The following FMN2 variants were observed in gnomAD, a reference collection of about 807,000 sequenced individuals.
The protein encoded by FMN2 is formin-2.
In FMN2, 51 loss-of-function variants were observed where a neutral mutation model predicts 142.3. The ratio of observed to expected loss-of-function variants is 0.36; its 90% CI spans 0.29 to 0.45. The LOEUF (loss-of-function observed/expected upper bound fraction) is 0.45. Ranked by LOEUF, FMN2 falls within the 20% of genes least tolerant of loss-of-function variation. The probability of loss-of-function intolerance (pLI) is 1.00; values close to 1 mark genes in which losing one functional copy is unlikely to be tolerated. For synonymous variants in FMN2, 882 were observed against 869.8 expected (o/e 1.01, Z -0.25); for missense variants, 1,936 against 2,122.8 (o/e 0.91, Z 1.73).
At chr1:240,470,207 G>GGA (rs1553268780) in intron 16 of FMN2, among the ~76,000 whole-genome samples, 5 of 131,074 alleles carry the variant, frequency 3.8e-5, no homozygotes, top group East Asian at 2.1e-4. Flanking sequence ...ACTAAGTGCT[G>GGA]AAAAAAAAAA....
rs1169946314 is a variant in FMN2, at chr1:240,384,405, G to A, written c.4859-8106G>A. On this transcript the variant is annotated intron_variant, in intron 14 of 17. Transcript: ENST00000319653. ...TTGTATGATCACACCATGAGAGGCT[G>A]GTGCTGCCTCTGCACAGCATTTTTG... Among the ~76,000 whole-genome samples the A allele has an allele frequency of 2.0e-5, 3 of 152,130 alleles. No individual in the cohort carries two copies. The East Asian group carries it at 5.8e-4, about 29-fold the overall frequency.
intron 1 of FMN2, among the ~76,000 whole-genome samples, chr1:240,096,922 G>A (rs1661218366): frequency 6.6e-6 from 1 of 152,128 alleles, no homozygotes; most frequent in South Asian, 2.1e-4. Context: ...TTGCATTTAA[G>A]TATTTCATAA....
At chr1:240,195,728 C>T (rs1469197444) in intron 4 of FMN2, among the ~76,000 whole-genome samples, 1 of 152,170 alleles carries the variant, frequency 6.6e-6, no homozygotes, top group Non-Finnish European at 1.5e-5. Flanking sequence ...TTTAAATTCT[C>T]ACAATAAGGC....
At chr1:240,366,967 G>A (rs933677292) in intron 14 of FMN2, among the ~76,000 whole-genome samples, 2 of 152,190 alleles carry the variant, frequency 1.3e-5, no homozygotes, top group African/African-American at 2.4e-5. Flanking sequence ...TTGCTGAGGT[G>A]TGGGACAAGT....
chr1:240,384,955 T>C (rs1393698332), intron 14 of FMN2, among the ~76,000 whole-genome samples: 12 of 152,202 alleles, frequency 7.9e-5, no homozygotes, highest in Admixed American at 7.9e-4. Flanking sequence ...TATTTGTCTC[T>C]CTCTCCATCT....
intron 3 of FMN2, among the ~76,000 whole-genome samples, chr1:240,182,290 C>T (rs562539628): frequency 4.6e-5 from 7 of 151,578 alleles, no homozygotes; most frequent in African/African-American, 1.2e-4. Flanking sequence ...TGATCATTGT[C>T]GTTTCCTCTG....
chr1:240,143,202 A>G lies in FMN2; in HGVS notation c.1782+19857A>G, dbSNP rs922918912. 9 of 1,591,412 alleles carry G rather than the reference A, an allele frequency of 5.7e-6. No homozygotes were observed. In the African/African-American group the frequency reaches 1.1e-4, roughly 19 times the overall value. On this transcript the variant is annotated intron_variant, in intron 2 of 17. Transcript: ENST00000319653. ...GGCATTATTGGTACCACTGCCCACC[A>G]TGCCCATGGCAAAAATGGAGTTATA...
chr1:240,290,016 C>T (rs925875581), intron 7 of FMN2, among the ~76,000 whole-genome samples: 7 of 152,176 alleles, frequency 4.6e-5, no homozygotes, highest in Non-Finnish European at 1.0e-4. Context: ...CGGAGGAGAA[C>T]ACGTTAATAG....
At chr1:240,318,414 C>CT (rs961204738) in intron 8 of FMN2, among the ~76,000 whole-genome samples, 117 of 149,652 alleles carry the variant, frequency 7.8e-4, no homozygotes, top group African/African-American at 2.0e-3. Flanking sequence ...TTTTCTTTTT[C>CT]TTTTTTTTTT....
chr1:240,199,791 C>T (rs544332660), intron 4 of FMN2, among the ~76,000 whole-genome samples: 157 of 152,184 alleles, frequency 1.0e-3, no homozygotes, highest in Middle Eastern at 3.4e-3. Flanking sequence ...ATTGTATTGA[C>T]GAACTAAAAA....
chr1:240,372,401 A>G (rs1248754691), intron 14 of FMN2, among the ~76,000 whole-genome samples: 1 of 152,164 alleles, frequency 6.6e-6, no homozygotes, highest in South Asian at 2.1e-4. Context: ...ATGAGTAATT[A>G]GTGATTTCTG....
At chr1:240,124,496 A>G (rs1478168768) in intron 2 of FMN2, among the ~76,000 whole-genome samples, 1 of 152,128 alleles carries the variant, frequency 6.6e-6, no homozygotes, top group Non-Finnish European at 1.5e-5. Context: ...TCTCATTGTC[A>G]AGGCAGAGTA....
intron 4 of FMN2, among the ~76,000 whole-genome samples, chr1:240,198,474 T>C (rs1417087195): frequency 6.6e-6 from 1 of 152,210 alleles, no homozygotes; most frequent in African/African-American, 2.4e-5. Flanking sequence ...ATTTGCCATG[T>C]CCATTCCAGT....
Position 240,208,098 on chromosome 1 carries a change from A to G in FMN2, c.3286A>G (p.Ile1096Val). The G allele has an allele frequency of 1.1e-6, 1 of 919,052 alleles. No homozygotes were observed. The highest frequency in any genetic ancestry group is 1.6e-6 in the Non-Finnish European group (1 of 615,426). 56.9% of individuals were successfully genotyped at this position (919,052 alleles called of 1,614,324 possible). ...PPPPPLPGAG[I>V]PPPPPLPGVG... Reference sequence around the variant, plus strand: ...ACCTCCCCCTCTACCCGGAGCGGGCATACCCCCTCCGCCCCCTCTACCCGG... The same window carrying G: ...ACCTCCCCCTCTACCCGGAGCGGGCGTACCCCCTCCGCCCCCTCTACCCGG... Residue 1096 changes from isoleucine (I) to valine (V), a missense_variant, in exon 5 of 18, where the codon ATA becomes GTA. Ile to Val is a conservative substitution (Grantham distance 29). Coordinates refer to ENST00000319653, the MANE Select transcript of FMN2 (RefSeq NM_020066.5).
intron 6 of FMN2, among the ~76,000 whole-genome samples, chr1:240,234,502 C>T: frequency 6.6e-6 from 1 of 152,126 alleles, no homozygotes; most frequent in East Asian, 1.9e-4. Flanking sequence ...CTCTTTAGCC[C>T]AAATCCAGTC....
intron 15 of FMN2, among the ~76,000 whole-genome samples, chr1:240,409,845 G>A (rs997133117): frequency 6.6e-6 from 1 of 152,106 alleles, no homozygotes; most frequent in Non-Finnish European, 1.5e-5. Flanking sequence ...TCAGACAATG[G>A]CATTTTAAAA....
At chr1:240,452,716 A>G (rs1162704277) in intron 16 of FMN2, among the ~76,000 whole-genome samples, 1 of 152,214 alleles carries the variant, frequency 6.6e-6, no homozygotes, top group Non-Finnish European at 1.5e-5. Flanking sequence ...AAAGTATGTC[A>G]TCAGTTAAGA....
chr1:240,305,223 T>C (rs956837605), intron 8 of FMN2, among the ~76,000 whole-genome samples: 6 of 152,214 alleles, frequency 3.9e-5, no homozygotes, highest in Non-Finnish European at 7.3e-5. Flanking sequence ...TTTTGGCACA[T>C]TGGATAATTT....
intron 15 of FMN2, among the ~76,000 whole-genome samples, chr1:240,395,303 A>G (rs756844694): frequency 2.8e-4 from 43 of 152,214 alleles, no homozygotes; most frequent in Admixed American, 4.6e-4. Flanking sequence ...TCTGCTGGAG[A>G]TGTACAAAGA....
Sources: allele counts gnomAD v4.1 joint callset (sites outside exome capture counted in the v4.1 genomes callset), GRCh38; gene constraint gnomAD v4.1.1; transcripts MANE v1.5; gene names NCBI Gene and HGNC (gene_info 2026-07-23, HGNC 2026-07-21).